ARHGAP24: variants seen among roughly 807,000 people sequenced by gnomAD.
The protein encoded by ARHGAP24 is Rho GTPase activating protein 24.
ARHGAP24 carries 50 observed loss-of-function variants against 76.4 expected under a neutral mutation model. The ratio of observed to expected loss-of-function variants is 0.65; its 90% CI spans 0.52 to 0.83. The LOEUF (loss-of-function observed/expected upper bound fraction) is 0.83. Ranked by LOEUF, ARHGAP24 falls within the 40% of genes least tolerant of loss-of-function variation. The pLI, the probability that ARHGAP24 is intolerant of heterozygous loss-of-function variation, is 0.00. For synonymous variants in ARHGAP24, 345 were observed against 323.3 expected, an observed-to-expected ratio of 1.07 and a Z score of -0.72; for missense variants, 930 against 914.2, an observed-to-expected ratio of 1.02 and a Z score of -0.22.
chr4:85,930,662 C>T (rs778762597), intron 4 of ARHGAP24: 7 of 1,130,106 alleles, frequency 6.2e-6, no homozygotes, highest in Non-Finnish European at 6.5e-6. Context: ...TTTGGAATGT[C>T]TGCAGAAACT....
chr4:85,822,732 G>A (rs185617564), intron 3 of ARHGAP24, among the ~76,000 whole-genome samples: 39 of 152,218 alleles, frequency 2.6e-4, no homozygotes, highest in African/African-American at 9.1e-4. Flanking sequence ...ATTCATGAAT[G>A]TATTATGCTC....
intron 3 of ARHGAP24, among the ~76,000 whole-genome samples, chr4:85,897,396 C>A (rs572512205): frequency 7.9e-5 from 12 of 152,296 alleles, no homozygotes; most frequent in Admixed American, 2.6e-4. Flanking sequence ...TTCCTTCACT[C>A]ATATGTGATC....
intron 3 of ARHGAP24, among the ~76,000 whole-genome samples, chr4:85,826,977 C>T (rs1729741433): frequency 6.6e-6 from 1 of 152,172 alleles, no homozygotes; most frequent in African/African-American, 2.4e-5. Context: ...TCCTTCTCCA[C>T]TTCTAAGAAG....
chr4:85,627,962 A>G (rs556752455), intron 2 of ARHGAP24, among the ~76,000 whole-genome samples: 1 of 152,254 alleles, frequency 6.6e-6, no homozygotes, highest in Non-Finnish European at 1.5e-5. Context: ...CCGATTTTCC[A>G]GGTGCCGTCT....
chr4:85,614,372 A>T (rs1282646941), intron 2 of ARHGAP24, among the ~76,000 whole-genome samples: 1 of 152,082 alleles, frequency 6.6e-6, no homozygotes, highest in Non-Finnish European at 1.5e-5. Context: ...TGTGAGAATT[A>T]AATTTTAATA....
At chr4:85,823,679 T>C (rs1729577697) in intron 3 of ARHGAP24, among the ~76,000 whole-genome samples, 1 of 152,200 alleles carries the variant, frequency 6.6e-6, no homozygotes, top group South Asian at 2.1e-4. Flanking sequence ...GGTACAATTA[T>C]ACTACGAGGC....
intron 2 of ARHGAP24, among the ~76,000 whole-genome samples, chr4:85,622,859 A>AT (rs1720772568): frequency 6.6e-6 from 1 of 151,896 alleles, no homozygotes; most frequent in South Asian, 2.1e-4. Context: ...GATGATGAGC[A>AT]TTTTTTCATG....
At position 85,994,653 on chromosome 4, in the gene ARHGAP24, A is replaced by G. The variant is rs1372259400; in HGVS notation, c.999A>G (p.Ala333=). 2 of 1,614,234 alleles carry G rather than the reference A, an allele frequency of 1.2e-6. No individual in the cohort carries two copies. The highest frequency in any genetic ancestry group is 1.7e-6 in the Non-Finnish European group (2 of 1,180,036). Residue 333 remains alanine (A), a synonymous_variant, in exon 9 of 10, where the codon GCA becomes GCG. Transcript: ENST00000395184. The stretch of plus-strand genomic sequence containing the variant: ...ATGATTGCCTCTTTCCCAAAGATGC[A>G]GAACTACAAAGCAAGCCCCAAGATG... ...SKHDCLFPKD[A]ELQSKPQDGV...
intron 2 of ARHGAP24, among the ~76,000 whole-genome samples, chr4:85,629,353 T>G (rs571782327): frequency 6.6e-6 from 1 of 152,310 alleles, no homozygotes; most frequent in Admixed American, 6.5e-5. Context: ...CTTTTGACTT[T>G]TAACATTTAC....
At chr4:85,514,547 C>T (rs1724411486) in intron 1 of ARHGAP24, among the ~76,000 whole-genome samples, 1 of 151,670 alleles carries the variant, frequency 6.6e-6, no homozygotes, top group Admixed American at 6.6e-5. Context: ...ATCCATGTCC[C>T]ACTGGAGAAA....
intron 1 of ARHGAP24, among the ~76,000 whole-genome samples, chr4:85,507,774 G>C (rs772384502): frequency 1.8e-4 from 27 of 152,274 alleles, no homozygotes; most frequent in Non-Finnish European, 3.2e-4. Flanking sequence ...TGTAGGGACA[G>C]GTTCTTTTTC....
At chr4:85,756,244 A>C (rs908749364) in intron 3 of ARHGAP24, among the ~76,000 whole-genome samples, 3 of 152,168 alleles carry the variant, frequency 2.0e-5, no homozygotes, top group African/African-American at 7.2e-5. Context: ...GTTCCACACA[A>C]ATACAAAATA....
At chr4:85,861,428 T>C (rs1174057009) in intron 3 of ARHGAP24, among the ~76,000 whole-genome samples, 2 of 152,142 alleles carry the variant, frequency 1.3e-5, no homozygotes, top group African/African-American at 2.4e-5. Flanking sequence ...TCATTTCTTA[T>C]TGCTATGCTG....
At chr4:85,900,862 A>G (rs1223896638) in intron 3 of ARHGAP24, among the ~76,000 whole-genome samples, 5 of 152,136 alleles carry the variant, frequency 3.3e-5, no homozygotes, top group Non-Finnish European at 5.9e-5. Context: ...TGAACTCCAC[A>G]CTGTTGACTG....
intron 8 of ARHGAP24, among the ~76,000 whole-genome samples, chr4:85,983,665 A>G (rs1739816886): frequency 6.6e-6 from 1 of 152,184 alleles, no homozygotes. Context: ...CTACAGTAAG[A>G]AAGTTGTTTT....
intron 3 of ARHGAP24, among the ~76,000 whole-genome samples, chr4:85,746,347 T>C (rs1726035576): frequency 6.6e-6 from 1 of 152,198 alleles, no homozygotes; most frequent in Admixed American, 6.5e-5. Flanking sequence ...TCTTCATGAC[T>C]TCTTCATTTT....
At chr4:85,506,107 T>A (rs1724037543) in intron 1 of ARHGAP24, among the ~76,000 whole-genome samples, 1 of 152,120 alleles carries the variant, frequency 6.6e-6, no homozygotes, top group Non-Finnish European at 1.5e-5. Context: ...TGATCATTCC[T>A]CTGGAAGCTT....
chr4:85,634,187 A>ACTC (rs1321705807), intron 2 of ARHGAP24, among the ~76,000 whole-genome samples: 48 of 152,056 alleles, frequency 3.2e-4, no homozygotes, highest in Middle Eastern at 3.4e-3. Flanking sequence ...GGAAATAAAA[A>ACTC]GATAACTTGT....
chr4:85,936,391 T>C (rs1369867318), intron 4 of ARHGAP24, among the ~76,000 whole-genome samples: 1 of 152,080 alleles, frequency 6.6e-6, no homozygotes, highest in Non-Finnish European at 1.5e-5. Flanking sequence ...CTTGATAAGT[T>C]CCAGGGACAT....
Sources: allele counts gnomAD v4.1 joint callset (sites outside exome capture counted in the v4.1 genomes callset), GRCh38; gene constraint gnomAD v4.1.1; transcripts MANE v1.5; gene names NCBI Gene and HGNC (gene_info 2026-07-23, HGNC 2026-07-21).